Variants in PPL observed in about 807,000 individuals in gnomAD.
PPL encodes the protein periplakin.
A neutral mutation model predicts 194.4 loss-of-function variants in PPL; 198 were observed. The ratio of observed to expected loss-of-function variants is 1.02; its 90% CI spans 0.91 to 1.15. The LOEUF is 1.15. Among genes scored for constraint, PPL ranks in the 50% most tolerant of loss-of-function variants. The pLI is 0.00. For missense variants in PPL, 2,885 were observed against 2,294.8 expected (o/e 1.26, Z -5.25); for synonymous variants, 1,220 against 972.4 (o/e 1.25, Z -4.74).
At chr16:4,911,062 G>T in intron 1 of PPL, 113 bp from the exon 2 acceptor site, 1 of 773,290 alleles carries the variant, frequency 1.3e-6, no homozygotes, top group Non-Finnish European at 2.1e-6. Flanking sequence ...AGCAGGAGCT[G>T]CCCACAGAGC....
intron 9 of PPL, 140 bp from the exon 10 acceptor site, chr16:4,895,856 C>T (rs1487370687): frequency 4.9e-6 from 6 of 1,232,528 alleles, no homozygotes; most frequent in Non-Finnish European, 6.8e-6. Flanking sequence ...TGTGCTGAGC[C>T]TGAGGCTCCT....
Position 4,897,696 on chromosome 16 carries a change from C to T in PPL, c.951G>A (p.Lys317=), listed in dbSNP as rs2088460498. ...NLLICEESHL[K]YMEDYHQFHE... ...GTACCTGGTGGTAGTCCTCCATGTA[C>T]TTGAGGTGGCTCTCCTCGCAGATGA... Residue 317 remains lysine (K), a synonymous_variant, in exon 9 of 22, where the codon AAG becomes AAA. Transcript: ENST00000345988. 1 of 1,613,758 alleles carries T rather than the reference C, an allele frequency of 6.2e-7. No homozygotes were observed. Among genetic ancestry groups the T allele is most frequent in the African/African-American group, 1.3e-5 (1 of 74,912 alleles).
intron 12 of PPL, 29 bp from the exon 13 acceptor site, chr16:4,893,667 T>C (rs1388329211): frequency 6.5e-7 from 1 of 1,542,074 alleles, no homozygotes. Flanking sequence ...GCTGGGAACC[T>C]GGGCAGCCCA....
chr16:4,921,969 G>A (rs577209444), intron 1 of PPL, among the ~76,000 whole-genome samples: 6 of 151,764 alleles, frequency 4.0e-5, no homozygotes, highest in African/African-American at 9.7e-5. Flanking sequence ...ACACACCACC[G>A]ATGCTCCACG....
intron 3 of PPL, 58 bp downstream of exon 3, chr16:4,903,828 C>T: frequency 1.3e-6 from 2 of 1,596,750 alleles, no homozygotes; most frequent in Non-Finnish European, 1.7e-6. Flanking sequence ...ACAGGACCCC[C>T]CGCCCTGGCC....
In PPL at chr16:4,893,559, T is replaced by C. The variant is rs1172464144; in HGVS notation, c.1474A>G (p.Lys492Glu). ...RTLQQRYEVL[K>E]TENPGDASDL... ...CACCCACCTCCGGGATTCTCGGTCT[T>C]CAGCACCTCATACCGCTGCTGCAGC... is the stretch of plus-strand genomic sequence containing the variant. The change falls in exon 13 of 22, where the codon AAG becomes GAG. Residue 492 changes from lysine to glutamate, a missense_variant. Lys to Glu is a moderately conservative substitution (Grantham distance 56). Transcript: ENST00000345988. 2 of 1,612,644 alleles carry C rather than the reference T, an allele frequency of 1.2e-6. No individual in the cohort carries two copies. The highest frequency in any genetic ancestry group is 1.7e-5 in the Admixed American group (1 of 59,980).
Position 4,885,813 on chromosome 16 carries a change from C to T in PPL, c.2842G>A (p.Glu948Lys), listed in dbSNP as rs757102546. The T allele has an allele frequency of 1.2e-5, 19 of 1,608,618 alleles. No homozygotes were observed. Among genetic ancestry groups the T allele is most frequent in the Non-Finnish European group, 1.5e-5 (18 of 1,180,002 alleles). ...LKKVPDPVLE[E>K]SFQQLQRTLA... is the part of the protein sequence containing the mutation. The stretch of plus-strand genomic sequence containing the variant: ...GTCCGCTGCAGCTGCTGGAAGCTCT[C>T]CTCCAGCACGGGATCCGGCACCTTC... Residue 948 changes from glutamate to lysine, a missense_variant, in exon 22 of 22, where the codon GAG becomes AAG. Physicochemically the swap from Glu to Lys is moderately conservative, Grantham distance 56. Transcript: ENST00000345988. The surrounding 1 kb of genome is among the most constrained non-coding windows in gnomAD (Gnocchi z 6.3).
intron 9 of PPL, among the ~76,000 whole-genome samples, chr16:4,897,160 C>A (rs2088446492): frequency 6.6e-6 from 1 of 151,114 alleles, no homozygotes; most frequent in Non-Finnish European, 1.5e-5. Flanking sequence ...CATGGCGAAA[C>A]CCCATCTTTA....
At chr16:4,908,564 G>C (rs556666401) in intron 2 of PPL, among the ~76,000 whole-genome samples, 17 of 152,128 alleles carry the variant, frequency 1.1e-4, no homozygotes, top group Non-Finnish European at 1.9e-4. Flanking sequence ...TTGAGGCAGG[G>C]TGTCCCTCTG....
intron 1 of PPL, among the ~76,000 whole-genome samples, chr16:4,919,380 A>G (rs2088991271): frequency 1.3e-5 from 2 of 152,230 alleles, no homozygotes; most frequent in Non-Finnish European, 2.9e-5. Flanking sequence ...ACCCTGTGAC[A>G]GTGTGACAGA....
chr16:4,909,423 CCTT>C (rs1454826845), intron 2 of PPL, among the ~76,000 whole-genome samples: 1 of 124,556 alleles, frequency 8.0e-6, no homozygotes, highest in Non-Finnish European at 1.7e-5. Flanking sequence ...TCTGGTCCCA[CCTT>C]TTTTTTTTTT....
Position 4,885,077 on chromosome 16 carries a change from A to G in PPL, c.3578T>C (p.Leu1193Pro). 6.2e-7 allele frequency: 1 copy of G among 1,613,724 alleles called. No homozygotes were observed. Among genetic ancestry groups the G allele is most frequent in the Non-Finnish European group, 8.5e-7 (1 of 1,180,022 alleles). ...KAESEVANLR[L>P]ELVEQERKYR... Reference sequence around the variant, plus strand: ...CTTTCGCTCCTGCTCCACAAGCTCCAGGCGGAGGTTCGCCACTTCACTTTC... The same window carrying G: ...CTTTCGCTCCTGCTCCACAAGCTCCGGGCGGAGGTTCGCCACTTCACTTTC... The change falls in exon 22 of 22, where the codon CTG becomes CCG. Residue 1193 changes from leucine to proline, a missense_variant. Coordinates refer to ENST00000345988, the MANE Select transcript of PPL (RefSeq NM_002705.5). The surrounding 1 kb of genome is among the most constrained non-coding windows in gnomAD (Gnocchi z 6.3).
chr16:4,890,070 C>T (rs2088290196), intron 18 of PPL, 114 bp downstream of exon 18: 2 of 1,472,230 alleles, frequency 1.4e-6, no homozygotes, highest in African/African-American at 1.4e-5. Flanking sequence ...ACAGCTGTGG[C>T]AGGCCTCTGC....
At chr16:4,913,341 C>G (rs1432382037) in intron 1 of PPL, among the ~76,000 whole-genome samples, 1 of 152,170 alleles carries the variant, frequency 6.6e-6, no homozygotes, top group Non-Finnish European at 1.5e-5. Context: ...CTTGGCCCAG[C>G]TCCCTTGCCT....
At chr16:4,919,357 A>G (rs1324974798) in intron 1 of PPL, among the ~76,000 whole-genome samples, 1 of 152,236 alleles carries the variant, frequency 6.6e-6, no homozygotes, top group Non-Finnish European at 1.5e-5. Flanking sequence ...TGACTGCACC[A>G]ACCAGCAATG....
At chr16:4,929,617 G>A (rs971164566) in intron 1 of PPL, among the ~76,000 whole-genome samples, 2 of 152,192 alleles carry the variant, frequency 1.3e-5, no homozygotes, top group African/African-American at 4.8e-5. Context: ...AAATGTTATT[G>A]TTCATTATCC....
chr16:4,908,027 T>G (rs1270728739), intron 2 of PPL, among the ~76,000 whole-genome samples: 2 of 151,252 alleles, frequency 1.3e-5, no homozygotes, highest in Non-Finnish European at 2.9e-5. Flanking sequence ...CTGGGCGTGG[T>G]GGTGCCTGCC....
intron 1 of PPL, among the ~76,000 whole-genome samples, chr16:4,931,653 G>C (rs920366126): frequency 6.6e-6 from 1 of 152,204 alleles, no homozygotes; most frequent in East Asian, 1.9e-4. Flanking sequence ...CTGCACGCTG[G>C]GAAGCCAGGG....
At chr16:4,888,244 G>A (rs757409004) in intron 19 of PPL, 26 bp from the exon 20 acceptor site, 14 of 1,513,120 alleles carry the variant, frequency 9.3e-6, no homozygotes, top group Non-Finnish European at 1.3e-5. Flanking sequence ...ACATGGCAGA[G>A]GGGAGATTAA....
Sources: allele counts gnomAD v4.1 joint callset (sites outside exome capture counted in the v4.1 genomes callset), GRCh38; gene constraint gnomAD v4.1.1; non-coding constraint Gnocchi (gnomAD v3.1); transcripts MANE v1.5; gene names NCBI Gene and HGNC (gene_info 2026-07-23, HGNC 2026-07-21).